ZFYVE9: variants seen among roughly 807,000 people sequenced by gnomAD.
The protein encoded by ZFYVE9 is zinc finger FYVE domain-containing protein 9.
ZFYVE9 carries 43 observed loss-of-function variants against 126.7 expected under a neutral mutation model. The observed-to-expected ratio is 0.34, with a 90% CI of 0.27 to 0.44. ZFYVE9 has a LOEUF of 0.44. ZFYVE9 is among the 20% of genes least tolerant of loss of function. The probability of loss-of-function intolerance (pLI) is 1.00; values close to 1 mark genes in which losing one functional copy is unlikely to be tolerated. For missense variants in ZFYVE9, 1,476 were observed against 1,697.0 expected (o/e 0.87, Z 2.29); for synonymous variants, 521 against 597.4 (o/e 0.87, Z 1.87).
At chr1:52,200,276 T>A (rs1414884420) in intron 1 of ZFYVE9, among the ~76,000 whole-genome samples, 1 of 152,132 alleles carries the variant, frequency 6.6e-6, no homozygotes, top group Non-Finnish European at 1.5e-5. Flanking sequence ...CCTCCCAGGC[T>A]CAAACCATTC....
At position 52,344,782 on chromosome 1, in the gene ZFYVE9, A is replaced by G. The variant is rs1002933265; in HGVS notation, c.3954A>G (p.Glu1318=). ...TTGGGGAACAGGTGTTTTTCCTAGA[A>G]AACGATGACCAGCACAATTGCCTCA... is the stretch of plus-strand genomic sequence containing the variant. The part of the protein sequence containing the change: ...VIRWTEVFFL[E]NDDQHNCLSD... Residue 1318 remains glutamate (E), a synonymous_variant, in exon 18 of 19, where the codon GAA becomes GAG. Coordinates refer to ENST00000287727, the MANE Select transcript of ZFYVE9 (RefSeq NM_004799.4). 6.2e-7 allele frequency: 1 copy of G among 1,613,484 alleles called. No individual in the cohort carries two copies. Among genetic ancestry groups the G allele is most frequent in the Non-Finnish European group, 8.5e-7 (1 of 1,179,740 alleles).
intron 1 of ZFYVE9, among the ~76,000 whole-genome samples, chr1:52,196,219 A>T (rs538852346): frequency 6.6e-6 from 1 of 152,256 alleles, no homozygotes; most frequent in South Asian, 2.1e-4. Flanking sequence ...AAAAGCTCTC[A>T]AACAGTGAGT....
chr1:52,346,570 A>C lies in ZFYVE9; in HGVS notation c.*349A>C. 2 of 406,734 alleles carry C rather than the reference A, an allele frequency of 4.9e-6. No individual in the cohort carries two copies. The highest frequency in any genetic ancestry group is 3.5e-5 in the East Asian group (1 of 28,598). The allele number at this position is 406,734 out of a possible 1,614,324, so 25.2% of individuals were successfully genotyped here. ...ATGGTCATGTGCTCAGAAATGCTCAAATGGGTACAACCATCACCAAGGGTG... is the reference window on the plus strand; with the variant it reads ...ATGGTCATGTGCTCAGAAATGCTCACATGGGTACAACCATCACCAAGGGTG... On this transcript the variant is annotated 3_prime_UTR_variant, in exon 19 of 19. Coordinates refer to ENST00000287727, the MANE Select transcript of ZFYVE9 (RefSeq NM_004799.4).
intron 8 of ZFYVE9, among the ~76,000 whole-genome samples, chr1:52,276,446 C>T (rs1399402010): frequency 6.6e-6 from 1 of 152,134 alleles, no homozygotes; most frequent in African/African-American, 2.4e-5. Context: ...GCTGTGTGAT[C>T]CAGTTGGCAA....
At chr1:52,330,862 C>CT (rs1646334856) in intron 13 of ZFYVE9, among the ~76,000 whole-genome samples, 1 of 152,054 alleles carries the variant, frequency 6.6e-6, no homozygotes, top group Admixed American at 6.6e-5. Context: ...AGCACTACAA[C>CT]TTTTTTATTT....
chr1:52,324,662 G>T (rs1251347930), intron 13 of ZFYVE9, among the ~76,000 whole-genome samples: 1 of 152,128 alleles, frequency 6.6e-6, no homozygotes, highest in African/African-American at 2.4e-5. Context: ...AGGATGATGG[G>T]TGTGAATCCT....
At chr1:52,334,910 G>A (rs1461907623) in intron 15 of ZFYVE9, 142 bp downstream of exon 15, 1 of 729,948 alleles carries the variant, frequency 1.4e-6, no homozygotes, top group Non-Finnish European at 2.2e-6. Flanking sequence ...TGCCATGAGA[G>A]TGCTTAGTTC....
At chr1:52,199,240 A>AT (rs952005477) in intron 1 of ZFYVE9, among the ~76,000 whole-genome samples, 21 of 151,172 alleles carry the variant, frequency 1.4e-4, no homozygotes, top group African/African-American at 3.2e-4. Flanking sequence ...AATTTTTTGT[A>AT]TTTTTTTTAG....
chr1:52,181,881 G>A (rs977764943), intron 1 of ZFYVE9, among the ~76,000 whole-genome samples: 1 of 151,064 alleles, frequency 6.6e-6, no homozygotes, highest in African/African-American at 2.4e-5. Flanking sequence ...GAGCCCCTCC[G>A]CCCGGCAGCC....
chr1:52,331,789 T>A (rs1646344308), intron 13 of ZFYVE9, among the ~76,000 whole-genome samples: 1 of 146,496 alleles, frequency 6.8e-6, no homozygotes, highest in African/African-American at 2.5e-5. Flanking sequence ...TTTTTTTTTA[T>A]TTTTTTTTGA....
intron 1 of ZFYVE9, among the ~76,000 whole-genome samples, chr1:52,184,417 G>C (rs1325807116): frequency 7.7e-6 from 1 of 130,450 alleles, no homozygotes; most frequent in African/African-American, 3.0e-5. Flanking sequence ...TTTTTTTTTG[G>C]TATTTTTTAG....
At chr1:52,281,181 G>A (rs1351288141) in intron 9 of ZFYVE9, among the ~76,000 whole-genome samples, 4 of 145,252 alleles carry the variant, frequency 2.8e-5, no homozygotes, top group Non-Finnish European at 6.0e-5. Flanking sequence ...CGCCTAGGCT[G>A]GAGTGCAGTG....
At position 52,199,062 on chromosome 1, in the gene ZFYVE9, A is replaced by G. The variant is rs529281501; in HGVS notation, c.-142-17307A>G. ...CATTCCTCTCCCCTAGTCTTTGACAATCACGGATCTTTTTTTTTTTTGAGA... is the reference window on the plus strand; with the variant it reads ...CATTCCTCTCCCCTAGTCTTTGACAGTCACGGATCTTTTTTTTTTTTGAGA... On this transcript the variant is annotated intron_variant, in intron 1 of 18. Coordinates refer to ENST00000287727, the MANE Select transcript of ZFYVE9 (RefSeq NM_004799.4). Among the ~76,000 whole-genome samples the G allele has an allele frequency of 4.0e-5, 6 of 151,302 alleles. No individual in the cohort carries two copies. The South Asian group carries it at 1.3e-3, about 32-fold the overall frequency.
rs759617935 is a variant in ZFYVE9 at position 52,238,340 on chromosome 1, A to G, written c.923A>G (p.Asn308Ser). 4 of 1,613,816 alleles carry G rather than the reference A, an allele frequency of 2.5e-6. No homozygotes were observed. In the South Asian group the frequency reaches 4.4e-5, roughly 18 times the overall value. ...CCTAGGACAGATCTAGGGAGTCCAA[A>G]TTCCTTTTCCCACATGAGTGAGGGG... ...SSPRTDLGSPNSFSHMSEGIL... is the reference protein window; with the variant it reads ...SSPRTDLGSPSSFSHMSEGIL... Residue 308 changes from asparagine to serine, a missense_variant, in exon 4 of 19, where the codon AAT becomes AGT. Physicochemically the swap from Asn to Ser is conservative, Grantham distance 46. Coordinates refer to ENST00000287727, the MANE Select transcript of ZFYVE9 (RefSeq NM_004799.4).
intron 1 of ZFYVE9, among the ~76,000 whole-genome samples, chr1:52,181,738 C>T (rs2124541286): frequency 6.6e-6 from 1 of 151,748 alleles, no homozygotes; most frequent in South Asian, 2.1e-4. Context: ...CCCCGCTGCC[C>T]CGTCTGGGAT....
chr1:52,219,722 C>T (rs1645104533), intron 2 of ZFYVE9, among the ~76,000 whole-genome samples: 1 of 147,772 alleles, frequency 6.8e-6, no homozygotes, highest in African/African-American at 2.5e-5. Context: ...ATAAGGCAGC[C>T]CATAGAGCAT....
intron 1 of ZFYVE9, among the ~76,000 whole-genome samples, chr1:52,185,918 CA>C (rs777825678): frequency 0.023 from 1,523 of 65,718 alleles, 44 homozygotes; most frequent in East Asian, 0.22. Context: ...GACTCCGTCT[CA>C]AAAAAAAAAA....
At chr1:52,204,041 A>G (rs950255825) in intron 1 of ZFYVE9, among the ~76,000 whole-genome samples, 3 of 151,296 alleles carry the variant, frequency 2.0e-5, no homozygotes, top group Admixed American at 6.6e-5. Context: ...CATCTCTGCT[A>G]TATCTGAATC....
intron 7 of ZFYVE9, among the ~76,000 whole-genome samples, chr1:52,272,345 A>T (rs540324851): frequency 3.0e-4 from 45 of 152,238 alleles, no homozygotes; most frequent in Non-Finnish European, 6.2e-4. Context: ...CCAGCACTCC[A>T]TAAGGGTTCC....
Sources: gnomAD v4.1 joint callset for allele counts (sites outside exome capture counted in the v4.1 genomes callset) on GRCh38, gnomAD v4.1.1 for gene constraint, MANE v1.5 for transcripts, NCBI Gene and HGNC (gene_info 2026-07-23, HGNC 2026-07-21) for gene names.